Variants in HTN1 observed in about 807,000 individuals in gnomAD.
The protein encoded by HTN1 is histatin-1.
A neutral mutation model predicts 11.2 loss-of-function variants in HTN1; 18 were observed. That is an observed-to-expected ratio of 1.61 (90% CI 1.12 to 2.39). The LOEUF (loss-of-function observed/expected upper bound fraction) is 2.39. Among genes scored for constraint, HTN1 ranks in the 30% most tolerant of loss-of-function variants. The pLI is 0.00. For synonymous variants in HTN1, 21 were observed against 20.5 expected (o/e 1.02, Z -0.07); for missense variants, 80 against 67.2 (o/e 1.19, Z -0.67).
At chr4:70,057,830 G>A (rs1726081744) in intron 5 of HTN1, 1 of 152,114 alleles carries the variant, frequency 6.6e-6, no homozygotes, top group Non-Finnish European at 1.5e-5. Flanking sequence ...TGAAATCTTT[G>A]AAGAAGTTGC....
At chr4:70,051,160 A>C (rs73823836) in intron 1 of HTN1, among the ~76,000 whole-genome samples, 2,987 of 152,290 alleles carry the variant, frequency 0.02, 87 homozygotes, top group African/African-American at 0.068. Context: ...ATTTTACAAG[A>C]AGATACTGAT....
At chr4:70,053,637 T>C (rs1387602571) in intron 2 of HTN1, among the ~76,000 whole-genome samples, 3 of 152,152 alleles carry the variant, frequency 2.0e-5, no homozygotes, top group Non-Finnish European at 4.4e-5. Flanking sequence ...TTATTAAGTG[T>C]CATGAGTTCC....
chr4:70,058,556 G>A (rs1245012729), intron 5 of HTN1, 24 bp from the exon 6 acceptor site: 1 of 152,058 alleles, frequency 6.6e-6, no homozygotes, highest in South Asian at 2.1e-4. Flanking sequence ...TGAAGATAAA[G>A]TGTTATTTTC....
chr4:70,051,684 G>A (rs1725897899), intron 1 of HTN1, among the ~76,000 whole-genome samples: 1 of 152,064 alleles, frequency 6.6e-6, no homozygotes, highest in Non-Finnish European at 1.5e-5. Context: ...TATAGTAGAA[G>A]TTTCCATTTA....
rs748402449 is a variant in HTN1, at chr4:70,053,841, G to A, written c.52-481G>A. 1.2e-4 allele frequency among the ~76,000 whole-genome samples: 18 copies of A among 151,866 alleles called. No homozygotes were observed. In the East Asian group the frequency reaches 1.4e-3, roughly 11 times the overall value. ...TCCACTAAATTCTAATGAATGTTTC[G>A]AAACTGAATTGGTTATGATATCACA... On this transcript the variant is annotated intron_variant, in intron 2 of 5. Transcript: ENST00000246896.
chr4:70,051,312 G>C (rs1479438071), intron 1 of HTN1, among the ~76,000 whole-genome samples: 1 of 152,044 alleles, frequency 6.6e-6, no homozygotes, highest in African/African-American at 2.4e-5. Context: ...AGCATATACT[G>C]TATAAGAGTT....
intron 1 of HTN1, 88 bp from the exon 2 acceptor site, chr4:70,052,976 G>A (rs774750017): frequency 2.1e-5 from 17 of 809,082 alleles, no homozygotes; most frequent in Non-Finnish European, 3.6e-5. Flanking sequence ...GTCTCCCAAT[G>A]CTTTGAAGCA....
rs1190222317 is a variant in HTN1, at chr4:70,055,442, T to A, written c.103-56T>A. ...TTTAATGACAGTTTTTGAGAAACAC[T>A]TGTATTGTCATTCTCTATTCTCTGC... On this transcript the variant is annotated intron_variant, in intron 4 of 5. Transcript: ENST00000246896. The A allele has an allele frequency of 5.0e-5, 61 of 1,224,606 alleles. No individual in the cohort carries two copies. In the East Asian group the frequency reaches 1.4e-3, roughly 28 times the overall value. 75.9% of individuals were successfully genotyped at this position (1,224,606 alleles called of 1,614,324 possible).
intron 5 of HTN1, chr4:70,056,339 A>G (rs973394367): frequency 6.6e-6 from 1 of 152,136 alleles, no homozygotes. Context: ...AGCCATATGC[A>G]GAAAACCGAA....
intron 4 of HTN1, 116 bp downstream of exon 4, chr4:70,054,566 T>G (rs1032294442): frequency 1.5e-6 from 1 of 682,614 alleles, no homozygotes; most frequent in African/African-American, 1.9e-5. Context: ...ATTGCTAAAG[T>G]GCACATTGAT....
At chr4:70,052,305 C>T (rs1421508437) in intron 1 of HTN1, among the ~76,000 whole-genome samples, 1 of 152,068 alleles carries the variant, frequency 6.6e-6, no homozygotes, top group Admixed American at 6.6e-5. Flanking sequence ...TAAAGCCAGT[C>T]TCCATTGCTT....
chr4:70,052,148 A>C (rs1225084174), intron 1 of HTN1, among the ~76,000 whole-genome samples: 2 of 152,176 alleles, frequency 1.3e-5, no homozygotes, highest in Non-Finnish European at 1.5e-5. Flanking sequence ...CACCAGTTCA[A>C]CTTCTCAAAG....
chr4:70,053,108 C>G lies in HTN1; in HGVS notation c.32C>G (p.Ala11Gly). The G allele has an allele frequency of 2.5e-6, 4 of 1,608,624 alleles. No homozygotes were observed. Among genetic ancestry groups the G allele is most frequent in the Non-Finnish European group, 3.4e-6 (4 of 1,175,338 alleles). ...TTTTTTGTCTTTGCTTTAGTCTTGG[C>G]TCTCATGATTTCCATGATTGTAAGT... MKFFVFALVL[A>G]LMISMISADS... Residue 11 changes from alanine to glycine, a missense_variant, in exon 2 of 6, where the codon GCT (alanine) becomes GGT (glycine). Ala to Gly is a moderately conservative substitution (Grantham distance 60, BLOSUM62 0). Transcript: ENST00000246896.
chr4:70,055,457 C>G lies in HTN1; in HGVS notation c.103-41C>G, dbSNP rs759843819. The G allele has an allele frequency of 9.5e-6, 13 of 1,375,124 alleles. 1 individual carries two copies. The highest frequency in any genetic ancestry group is 7.0e-5 in the South Asian group (6 of 86,016). The allele number at this position is 1,375,124 out of a possible 1,614,324, so 85.2% of individuals were successfully genotyped here. On this transcript the variant is annotated intron_variant, in intron 4 of 5. Coordinates refer to ENST00000246896, the MANE Select transcript of HTN1 (RefSeq NM_002159.4). ...TGAGAAACACTTGTATTGTCATTCT[C>G]TATTCTCTGCAATTTGCTCTCTCCT...
intron 5 of HTN1, 142 bp from the exon 6 acceptor site, chr4:70,058,438 T>C (rs1331386887): frequency 6.6e-6 from 1 of 152,142 alleles, no homozygotes; most frequent in African/African-American, 2.4e-5. Context: ...AATTGTCTAC[T>C]CTATATCAAA....
chr4:70,051,294 T>C (rs114725102), intron 1 of HTN1, among the ~76,000 whole-genome samples: 2,572 of 152,250 alleles, frequency 0.017, 80 homozygotes, highest in African/African-American at 0.06. Context: ...AGTGCTGTTA[T>C]AATGCAAAGC....
intron 1 of HTN1, among the ~76,000 whole-genome samples, chr4:70,050,874 C>T (rs973907765): frequency 1.3e-5 from 2 of 152,132 alleles, no homozygotes; most frequent in African/African-American, 4.8e-5. Flanking sequence ...ATCAACCCAT[C>T]ATCTAGGTTT....
chr4:70,054,481 A>C, intron 4 of HTN1, 31 bp downstream of exon 4: 1 of 1,390,446 alleles, frequency 7.2e-7, no homozygotes. Flanking sequence ...GTGCACTCTA[A>C]ATAAATTTTC....
intron 4 of HTN1, among the ~76,000 whole-genome samples, chr4:70,055,095 A>C (rs2009025): frequency 0.15 from 22,122 of 152,034 alleles, 1,725 homozygotes; most frequent in East Asian, 0.25. Context: ...TGTAAAGGAA[A>C]GTAAGATCAC....
Sources: allele counts gnomAD v4.1 joint callset (sites outside exome capture counted in the v4.1 genomes callset), GRCh38; gene constraint gnomAD v4.1.1; transcripts MANE v1.5; gene names NCBI Gene and HGNC (gene_info 2026-07-23, HGNC 2026-07-21).